Variants in PCSK6 observed in about 807,000 individuals in gnomAD.
The protein encoded by PCSK6 is proprotein convertase subtilisin/kexin type 6.
A neutral mutation model predicts 123.3 loss-of-function variants in PCSK6; 85 were observed. The ratio of observed to expected loss-of-function variants is 0.69; its 90% CI spans 0.58 to 0.83. The LOEUF is 0.83. Among genes scored for constraint, PCSK6 ranks in the 40% least tolerant of loss-of-function variants. The pLI is 0.00. For synonymous variants in PCSK6, 508 were observed against 516.0 expected (o/e 0.98, Z 0.21); for missense variants, 1,191 against 1,282.3 (o/e 0.93, Z 1.09).
intron 1 of PCSK6, among the ~76,000 whole-genome samples, chr15:101,482,887 T>C (rs183176825): frequency 6.6e-6 from 1 of 152,342 alleles, no homozygotes; most frequent in East Asian, 1.9e-4. Context: ...GCTCCAGAGA[T>C]GGCAGCTGGC....
At chr15:101,397,428 T>C (rs550479323) in intron 7 of PCSK6, among the ~76,000 whole-genome samples, 33 of 152,250 alleles carry the variant, frequency 2.2e-4, no homozygotes, top group African/African-American at 7.7e-4. Flanking sequence ...TGGGTTATAA[T>C]ACGATGAGAA....
Position 101,324,961 on chromosome 15 carries a change from A to G in PCSK6, c.2266T>C (p.Cys756Arg). 1 of 1,613,342 alleles carries G rather than the reference A, an allele frequency of 6.2e-7. No homozygotes were observed. Among genetic ancestry groups the G allele is most frequent in the Non-Finnish European group, 8.5e-7 (1 of 1,179,884 alleles). Residue 756 changes from cysteine (C) to arginine (R), a missense_variant, in exon 17 of 22, where the codon TGC (cysteine) becomes CGC (arginine). Coordinates refer to ENST00000611716, the MANE Select transcript of PCSK6 (RefSeq NM_002570.5). ...CACTGCGTCGCAGCTCTGCTGGAGC[A>G]GGTCTCACACCCCTTGTGGCACCGG... ...CRRCHKGCET[C>R]SSRAATQCLS...
At chr15:101,340,309 A>C (rs2040572575) in intron 13 of PCSK6, among the ~76,000 whole-genome samples, 1 of 152,214 alleles carries the variant, frequency 6.6e-6, no homozygotes, top group Non-Finnish European at 1.5e-5. Context: ...CTATAGCCAC[A>C]AAAACCCTGA....
chr15:101,358,070 C>T (rs1237097539), intron 13 of PCSK6, among the ~76,000 whole-genome samples: 2 of 152,184 alleles, frequency 1.3e-5, no homozygotes, highest in East Asian at 1.9e-4. Flanking sequence ...ACATCCCCGT[C>T]GCTTGCCCAG....
intron 19 of PCSK6, chr15:101,313,877 T>G (rs2039928767): frequency 5.7e-6 from 1 of 176,182 alleles, no homozygotes; most frequent in Non-Finnish European, 1.2e-5. Context: ...GCTCATTTAT[T>G]TTTTGTATGG....
Position 101,443,643 on chromosome 15 carries a change from A to G in PCSK6, c.315T>C (p.Asp105=). 6.2e-7 allele frequency: 1 copy of G among 1,613,536 alleles called. No individual in the cohort carries two copies. Among genetic ancestry groups the G allele is most frequent in the Non-Finnish European group, 8.5e-7 (1 of 1,179,476 alleles). The change falls in exon 2 of 22, where the codon GAT becomes GAC. Residue 105 remains aspartate (D), a synonymous_variant. Transcript: ENST00000611716. Reference sequence around the variant, plus strand: ...TTTTGCTGTGATAAAAATGGTAGTAATCTTCCAGGTTTCCAATCTGCAAGA... The same window carrying G: ...TTTTGCTGTGATAAAAATGGTAGTAGTCTTCCAGGTTTCCAATCTGCAAGA... The part of the protein sequence containing the change: ...LNLGQIGNLE[D]YYHFYHSKTF...
chr15:101,394,882 G>A (rs1294076110), intron 7 of PCSK6, among the ~76,000 whole-genome samples: 1 of 152,234 alleles, frequency 6.6e-6, no homozygotes, highest in Non-Finnish European at 1.5e-5. Context: ...CGTCCACTCT[G>A]CTTTCTGCAT....
intron 11 of PCSK6, among the ~76,000 whole-genome samples, chr15:101,374,992 C>T (rs1232070351): frequency 6.6e-6 from 1 of 150,952 alleles, no homozygotes; most frequent in Admixed American, 6.6e-5. Flanking sequence ...CTCACTCTGT[C>T]CGCAGGCTGG....
At chr15:101,470,714 C>T (rs1230449916) in intron 1 of PCSK6, among the ~76,000 whole-genome samples, 1 of 152,218 alleles carries the variant, frequency 6.6e-6, no homozygotes, top group Non-Finnish European at 1.5e-5. Flanking sequence ...CCAGCAGCTT[C>T]TCCTAGGCCG....
chr15:101,403,424 T>A (rs2042666869), intron 6 of PCSK6, among the ~76,000 whole-genome samples: 1 of 87,518 alleles, frequency 1.1e-5, no homozygotes, highest in South Asian at 3.4e-4. Flanking sequence ...AGTATAATAA[T>A]AATTAAAAAA....
In PCSK6 at chr15:101,409,579, C is replaced by T. The variant is rs186623650; in HGVS notation, c.824-11003G>A. On this transcript the variant is annotated intron_variant, in intron 6 of 21. Coordinates refer to ENST00000611716, the MANE Select transcript of PCSK6 (RefSeq NM_002570.5). ...CAGCCTGGGCGACAGAGTAAGACTC[C>T]GTCTCAAAAAAAAAAAAAAAATGCA... Among the ~76,000 whole-genome samples the T allele has an allele frequency of 7.3e-3, 875 of 119,584 alleles. 6 individuals carry two copies. The highest frequency in any genetic ancestry group is 0.033 in the South Asian group (119 of 3,620). The allele number at this position is 119,584 out of a possible 152,430, so 78.5% of individuals were successfully genotyped here. A position where few individuals can be genotyped will look rare whatever the true frequency, so the allele number is the denominator to read the frequency against.
chr15:101,450,958 TGAG>T (rs1255991178), intron 1 of PCSK6, among the ~76,000 whole-genome samples: 1 of 151,608 alleles, frequency 6.6e-6, no homozygotes, highest in Non-Finnish European at 1.5e-5. Context: ...GCACCAGCCA[TGAG>T]AAGAACTCTC....
chr15:101,419,719 G>A (rs1252102458), intron 6 of PCSK6, among the ~76,000 whole-genome samples: 6 of 151,782 alleles, frequency 4.0e-5, no homozygotes, highest in East Asian at 3.9e-4. Flanking sequence ...AATTCAAAGC[G>A]TGGTATTGTT....
At chr15:101,346,094 G>GT (rs1206095917) in intron 13 of PCSK6, among the ~76,000 whole-genome samples, 2 of 152,354 alleles carry the variant, frequency 1.3e-5, no homozygotes, top group East Asian at 3.9e-4. Flanking sequence ...CCCACTCCTG[G>GT]TAAGACTACA....
rs554950110 is a variant in PCSK6 at position 101,374,167 on chromosome 15, C to T, written c.1533-3644G>A. Among the ~76,000 whole-genome samples, 9 of 152,278 alleles carry T rather than the reference C, an allele frequency of 5.9e-5. No individual in the cohort carries two copies. The East Asian group carries it at 1.5e-3, about 26-fold the overall frequency. On this transcript the variant is annotated intron_variant, in intron 11 of 21. Coordinates refer to ENST00000611716, the MANE Select transcript of PCSK6 (RefSeq NM_002570.5). The stretch of plus-strand genomic sequence containing the variant: ...ATTACTCTGGTACTTCAGATGTTCT[C>T]CATTCATCCCAAATGCTCTCCACCC...
chr15:101,389,938 C>G (rs1040380930), intron 8 of PCSK6, among the ~76,000 whole-genome samples: 4 of 152,190 alleles, frequency 2.6e-5, no homozygotes, highest in African/African-American at 9.7e-5. Context: ...GACTTTGTGG[C>G]CTGTCACCAA....
chr15:101,459,241 C>T (rs533754667), intron 1 of PCSK6, among the ~76,000 whole-genome samples: 1 of 152,166 alleles, frequency 6.6e-6, no homozygotes, highest in Non-Finnish European at 1.5e-5. Flanking sequence ...AAAGCCCCTA[C>T]GTGCCTGCAC....
At chr15:101,478,371 G>C (rs2057785067) in intron 1 of PCSK6, among the ~76,000 whole-genome samples, 1 of 151,850 alleles carries the variant, frequency 6.6e-6, no homozygotes, top group Non-Finnish European at 1.5e-5. Context: ...TCTAAGGACA[G>C]TCACGTGTGG....
Position 101,397,573 on chromosome 15 carries a change from C to T in PCSK6, c.996+831G>A, listed in dbSNP as rs567004389. Among the ~76,000 whole-genome samples the T allele has an allele frequency of 4.7e-4, 72 of 152,320 alleles. No homozygotes were observed. The South Asian group carries it at 0.013, about 28-fold the overall frequency. ...GAACTCCCCTGGTCCCCACTCCCTA[C>T]AGCAGTCACTGACCACACATTGTAC... On this transcript the variant is annotated intron_variant, in intron 7 of 21. Transcript: ENST00000611716.
Sources: allele counts gnomAD v4.1 joint callset (sites outside exome capture counted in the v4.1 genomes callset), GRCh38; gene constraint gnomAD v4.1.1; transcripts MANE v1.5; gene names NCBI Gene and HGNC (gene_info 2026-07-23, HGNC 2026-07-21).